PREX2: variants seen among roughly 807,000 people sequenced by gnomAD.
PREX2 encodes the protein phosphatidylinositol-3,4,5-trisphosphate dependent Rac exchange factor 2.
In PREX2, 107 loss-of-function variants were observed where a neutral mutation model predicts 203.2. The ratio of observed to expected loss-of-function variants is 0.53; its 90% CI spans 0.45 to 0.62. The LOEUF (loss-of-function observed/expected upper bound fraction) is 0.62. PREX2 is among the 20% of genes least tolerant of loss of function. The pLI, the probability that PREX2 is intolerant of heterozygous loss-of-function variation, is 0.00. For missense variants in PREX2, 1,777 were observed against 1,955.9 expected (o/e 0.91, Z 1.72); for synonymous variants, 672 against 663.6 (o/e 1.01, Z -0.19).
At chr8:68,139,912 ATTTTCATTTAC>A (rs1458680428) in intron 33 of PREX2, among the ~76,000 whole-genome samples, 6 of 152,266 alleles carry the variant, frequency 3.9e-5, no homozygotes, top group African/African-American at 1.4e-4. Context: ...AATAGGATAT[ATTTTCATTTAC>A]TTGAATAATG....
intron 4 of PREX2, among the ~76,000 whole-genome samples, chr8:68,026,704 C>T (rs1226579624): frequency 6.6e-6 from 1 of 152,000 alleles, no homozygotes; most frequent in Admixed American, 6.6e-5. Flanking sequence ...AGCAAAAAAG[C>T]GACTCAGAGA....
intron 15 of PREX2, among the ~76,000 whole-genome samples, chr8:68,078,910 G>A (rs1809432270): frequency 6.6e-6 from 1 of 152,146 alleles, no homozygotes; most frequent in Non-Finnish European, 1.5e-5. Context: ...GCTCATGCCT[G>A]GCTTTATTGA....
chr8:68,228,972 G>GAAAAAAATGAA (rs71253068), intron 39 of PREX2, among the ~76,000 whole-genome samples: 4,301 of 117,128 alleles, frequency 0.037, 193 homozygotes, highest in African/African-American at 0.085. Context: ...AAAAAAGAAA[G>GAAAAAAATGAA]AAAAAAATGG....
intron 1 of PREX2, among the ~76,000 whole-genome samples, chr8:67,973,373 T>G (rs1585666218): frequency 6.6e-6 from 1 of 152,250 alleles, no homozygotes; most frequent in Non-Finnish European, 1.5e-5. Flanking sequence ...ATTAACTTGC[T>G]GTAGCTACTC....
At chr8:68,005,340 T>G (rs1228123531) in intron 1 of PREX2, among the ~76,000 whole-genome samples, 1 of 152,190 alleles carries the variant, frequency 6.6e-6, no homozygotes, top group East Asian at 1.9e-4. Flanking sequence ...TTGTCTTATT[T>G]CAGTGGAAAC....
At chr8:68,113,373 C>CGTT (rs112983739) in intron 25 of PREX2, among the ~76,000 whole-genome samples, 3,529 of 152,292 alleles carry the variant, frequency 0.023, 112 homozygotes, top group African/African-American at 0.072. Context: ...AGAACTCCTG[C>CGTT]ATTTTTTCCC....
intron 1 of PREX2, among the ~76,000 whole-genome samples, chr8:67,976,088 T>C (rs1377887888): frequency 2.0e-5 from 3 of 152,110 alleles, no homozygotes; most frequent in African/African-American, 7.2e-5. Flanking sequence ...GATGAAGTTA[T>C]AACACACGGT....
chr8:68,214,074 A>G (rs533039931), intron 37 of PREX2, among the ~76,000 whole-genome samples: 2 of 152,292 alleles, frequency 1.3e-5, no homozygotes, highest in African/African-American at 2.4e-5. Flanking sequence ...AACAGAGTTC[A>G]TGTTAGAAAG....
In PREX2 at chr8:67,952,266, T is replaced by C; in HGVS notation, c.-129T>C. On this transcript the variant is annotated 5_prime_UTR_variant, in exon 1 of 40. Coordinates refer to ENST00000288368, the MANE Select transcript of PREX2 (RefSeq NM_024870.4). The stretch of plus-strand genomic sequence containing the variant: ...CAGCCTCTCCCCAGCATGTAAAGTC[T>C]TCTGTCTCTCCTCGGAGTTGGCGGA... 1.3e-6 allele frequency: 1 copy of C among 747,372 alleles called. No individual in the cohort carries two copies. Among genetic ancestry groups the C allele is most frequent in the Non-Finnish European group, 1.9e-6 (1 of 537,952 alleles). The allele number at this position is 747,372 out of a possible 1,614,324, so 46.3% of individuals were successfully genotyped here.
intron 1 of PREX2, among the ~76,000 whole-genome samples, chr8:67,993,628 G>A (rs188355265): frequency 1.4e-3 from 219 of 152,008 alleles, no homozygotes; most frequent in Non-Finnish European, 4.3e-4. Flanking sequence ...GGCTGGTATC[G>A]AACTCCTAAC....
chr8:68,064,344 G>A (rs901179880), intron 11 of PREX2, among the ~76,000 whole-genome samples: 6 of 152,004 alleles, frequency 3.9e-5, no homozygotes, highest in African/African-American at 1.5e-4. Flanking sequence ...CATAAATTAT[G>A]TTGCAAAAAG....
intron 20 of PREX2, among the ~76,000 whole-genome samples, chr8:68,092,960 G>A (rs931662151): frequency 6.6e-5 from 10 of 151,954 alleles, no homozygotes; most frequent in African/African-American, 2.4e-4. Context: ...AGCCACATTT[G>A]ATTATTTTAA....
intron 23 of PREX2, chr8:68,101,361 A>G (rs536885274): frequency 1.9e-6 from 1 of 518,796 alleles, no homozygotes; most frequent in East Asian, 5.4e-5. Flanking sequence ...TGGGTTGTTG[A>G]GTTGAGTTTG....
Position 68,115,849 on chromosome 8 carries a change from C to G in PREX2, c.3243C>G (p.Asn1081Lys). The change falls in exon 26 of 40, where the codon AAC becomes AAG. Residue 1081 changes from asparagine to lysine, a missense_variant. By Grantham distance (94) the Asn-to-Lys change is moderately conservative (BLOSUM62 0). Coordinates refer to ENST00000288368, the MANE Select transcript of PREX2 (RefSeq NM_024870.4). ...TDSDNEKGER[N>K]SKRVCFNVAG... ...GTGACAATGAGAAGGGAGAAAGAAACAGCAAACGGGTATGTTTTAATGTAG... is the reference window on the plus strand; with the variant it reads ...GTGACAATGAGAAGGGAGAAAGAAAGAGCAAACGGGTATGTTTTAATGTAG... The G allele has an allele frequency of 1.9e-6, 3 of 1,613,836 alleles. No individual in the cohort carries two copies. Among genetic ancestry groups the G allele is most frequent in the Non-Finnish European group, 2.5e-6 (3 of 1,179,880 alleles).
At chr8:68,191,569 C>A (rs2129614662) in intron 35 of PREX2, among the ~76,000 whole-genome samples, 153 bp from the exon 36 acceptor site, 1 of 152,224 alleles carries the variant, frequency 6.6e-6, no homozygotes, top group East Asian at 1.9e-4. Flanking sequence ...AAATGGAAAC[C>A]TTTTGACATT....
chr8:67,982,563 G>C (rs1272112074), intron 1 of PREX2, among the ~76,000 whole-genome samples: 1 of 152,170 alleles, frequency 6.6e-6, no homozygotes, highest in East Asian at 1.9e-4. Context: ...TATTAGAATT[G>C]TCATTGTTTA....
rs1234719632 is a variant in PREX2, at chr8:68,124,812, A to T, written c.3725-2566A>T. Among the ~76,000 whole-genome samples the T allele has an allele frequency of 4.6e-5, 7 of 152,136 alleles. No individual in the cohort carries two copies. In the East Asian group the frequency reaches 1.2e-3, roughly 25 times the overall value. Reference sequence around the variant, plus strand: ...TATATACATACTGATTGATGGATTGATTGATATGTGTTGTGAATTTGGGTG... The same window carrying T: ...TATATACATACTGATTGATGGATTGTTTGATATGTGTTGTGAATTTGGGTG... On this transcript the variant is annotated intron_variant, in intron 30 of 39. Coordinates refer to ENST00000288368, the MANE Select transcript of PREX2 (RefSeq NM_024870.4).
chr8:68,113,396 A>AGCATG (rs1473573119), intron 25 of PREX2, among the ~76,000 whole-genome samples: 1 of 152,216 alleles, frequency 6.6e-6, no homozygotes, highest in Admixed American at 6.5e-5. Context: ...TTTGGTATTC[A>AGCATG]GAGTTCATCT....
At position 68,096,434 on chromosome 8, in the gene PREX2, C is replaced by T. The variant is rs116430145; in HGVS notation, c.2369-583C>T. ...ATTTTAGGTATTTTTCACCAGCTGA[C>T]GTACCATATGTAGGCTAAAAAACTA... is the stretch of plus-strand genomic sequence containing the variant. On this transcript the variant is annotated intron_variant, in intron 21 of 39. Coordinates refer to ENST00000288368, the MANE Select transcript of PREX2 (RefSeq NM_024870.4). Among the ~76,000 whole-genome samples, 66 of 152,180 alleles carry T rather than the reference C, an allele frequency of 4.3e-4. 1 individual carries two copies. The highest frequency in any genetic ancestry group is 1.6e-3 in the African/African-American group (65 of 41,524).
Sources: gnomAD v4.1 joint callset for allele counts (sites outside exome capture counted in the v4.1 genomes callset) on GRCh38, gnomAD v4.1.1 for gene constraint, MANE v1.5 for transcripts, NCBI Gene and HGNC (gene_info 2026-07-23, HGNC 2026-07-21) for gene names.